Variants in ANGPT1 observed in about 807,000 individuals in gnomAD.
The protein encoded by ANGPT1 is angiopoietin 1, also known as angiopoietin-1.
In ANGPT1, 17 loss-of-function variants were observed where a neutral mutation model predicts 62.2. The ratio of observed to expected loss-of-function variants is 0.27; its 90% confidence interval spans 0.19 to 0.41. The LOEUF (loss-of-function observed/expected upper bound fraction) is 0.41, where lower values mean the gene tolerates loss of function less well. Among genes scored for constraint, ANGPT1 ranks in the 10% least tolerant of loss-of-function variants. ANGPT1 has a pLI of 1.00. For synonymous variants in ANGPT1, 199 were observed against 198.9 expected, an observed-to-expected ratio of 1.00 and a Z score of 0.00; for missense variants, 478 against 594.9, an observed-to-expected ratio of 0.80 and a Z score of 2.04.
At chr8:107,445,244 G>A (rs933784623) in intron 1 of ANGPT1, among the ~76,000 whole-genome samples, 4 of 152,046 alleles carry the variant, frequency 2.6e-5, no homozygotes, top group South Asian at 2.1e-4. Flanking sequence ...TTATTCTGAC[G>A]GATCCTGCTC....
At chr8:107,421,532 A>G (rs1256956210) in intron 1 of ANGPT1, among the ~76,000 whole-genome samples, 2 of 152,198 alleles carry the variant, frequency 1.3e-5, no homozygotes, top group Non-Finnish European at 2.9e-5. Flanking sequence ...CGGTGTCTCT[A>G]TCTATCCTCC....
chr8:107,304,867 T>C (rs1029565672), intron 4 of ANGPT1, among the ~76,000 whole-genome samples: 4 of 151,874 alleles, frequency 2.6e-5, no homozygotes, highest in Admixed American at 6.6e-5. Context: ...ACCATCACAA[T>C]TGCCATGTCA....
chr8:107,354,731 C>T (rs892757134), intron 1 of ANGPT1, among the ~76,000 whole-genome samples: 2 of 152,080 alleles, frequency 1.3e-5, no homozygotes, highest in Non-Finnish European at 2.9e-5. Flanking sequence ...TCGCTTAATC[C>T]CCAGGCACCA....
At chr8:107,395,713 G>A (rs1816921657) in intron 1 of ANGPT1, among the ~76,000 whole-genome samples, 1 of 152,118 alleles carries the variant, frequency 6.6e-6, no homozygotes, top group Non-Finnish European at 1.5e-5. Flanking sequence ...AATTATTTAT[G>A]TATGTGTTTC....
chr8:107,303,556 G>A (rs1814645969), intron 4 of ANGPT1, among the ~76,000 whole-genome samples, 189 bp from the exon 5 acceptor site: 2 of 136,920 alleles, frequency 1.5e-5, no homozygotes, highest in South Asian at 4.6e-4. Context: ...AAAAAAAACT[G>A]AAGGAAAAAG....
At chr8:107,472,741 A>T (rs1349151102) in intron 1 of ANGPT1, among the ~76,000 whole-genome samples, 1 of 151,908 alleles carries the variant, frequency 6.6e-6, no homozygotes, top group South Asian at 2.1e-4. Flanking sequence ...CCTATAATCC[A>T]TCACTTGCTG....
chr8:107,404,766 G>A (rs1301065963), intron 1 of ANGPT1, among the ~76,000 whole-genome samples: 2 of 152,126 alleles, frequency 1.3e-5, no homozygotes, highest in East Asian at 3.9e-4. Flanking sequence ...GGTAGATAAT[G>A]ACACACTGCT....
Position 107,357,678 on chromosome 8 carries a change from T to C in ANGPT1, c.298-10581A>G, listed in dbSNP as rs116482794. Among the ~76,000 whole-genome samples the C allele has an allele frequency of 6.7e-3, 1,026 of 152,298 alleles. 17 individuals are homozygous for C. Among genetic ancestry groups the C allele is most frequent in the African/African-American group, 0.023 (959 of 41,568 alleles). On this transcript the variant is annotated intron_variant, in intron 1 of 8. Coordinates refer to ENST00000517746, the MANE Select transcript of ANGPT1 (RefSeq NM_001146.5). Reference sequence around the variant, plus strand: ...TGATGATCTTTTAAAAGAAATCTTCTGCATTCAATGAAACATTACAGGACA... The same window carrying C: ...TGATGATCTTTTAAAAGAAATCTTCCGCATTCAATGAAACATTACAGGACA...
At chr8:107,415,938 C>T (rs1810728902) in intron 1 of ANGPT1, among the ~76,000 whole-genome samples, 2 of 152,050 alleles carry the variant, frequency 1.3e-5, no homozygotes, top group African/African-American at 4.8e-5. Flanking sequence ...GGTTCGTTGC[C>T]ATATTGTCCA....
At chr8:107,426,487 A>C (rs1811045530) in intron 1 of ANGPT1, among the ~76,000 whole-genome samples, 1 of 152,204 alleles carries the variant, frequency 6.6e-6, no homozygotes, top group Non-Finnish European at 1.5e-5. Flanking sequence ...ACACATGAGA[A>C]AAAAAGATGA....
At chr8:107,281,732 C>T (rs536690780) in intron 7 of ANGPT1, among the ~76,000 whole-genome samples, 5 of 152,162 alleles carry the variant, frequency 3.3e-5, no homozygotes, top group Non-Finnish European at 5.9e-5. Flanking sequence ...GAGCCGAGAT[C>T]GCGCCATTGC....
intron 1 of ANGPT1, among the ~76,000 whole-genome samples, chr8:107,408,631 G>A (rs193015386): frequency 3.9e-5 from 6 of 152,248 alleles, no homozygotes; most frequent in Non-Finnish European, 7.4e-5. Flanking sequence ...TAGTGATAAT[G>A]GATGGCAAAT....
chr8:107,316,075 T>TG (rs1815007036), intron 4 of ANGPT1, among the ~76,000 whole-genome samples: 1 of 152,208 alleles, frequency 6.6e-6, no homozygotes, highest in Non-Finnish European at 1.5e-5. Flanking sequence ...ATGTGATCTA[T>TG]GCTCCCTCAG....
intron 3 of ANGPT1, among the ~76,000 whole-genome samples, chr8:107,327,240 A>T (rs1042026360): frequency 6.6e-6 from 1 of 152,058 alleles, no homozygotes; most frequent in East Asian, 1.9e-4. Context: ...TATACTGCTC[A>T]TATTTCATTT....
In ANGPT1 at chr8:107,251,674, C is replaced by T; in HGVS notation, c.*181G>A. The T allele has an allele frequency of 2.8e-6, 2 of 702,992 alleles. No homozygotes were observed. The highest frequency in any genetic ancestry group is 2.1e-5 in the South Asian group (1 of 48,588). The allele number at this position is 702,992 out of a possible 1,614,324, so 43.5% of individuals were successfully genotyped here. A position where few individuals can be genotyped will look rare whatever the true frequency, so the allele number is the denominator to read the frequency against. Reference sequence around the variant, plus strand: ...TGAGCACTGTCACCCCAAGTAGAGACTCTTGTGAACTCAAACGGCTCCAGA... The same window carrying T: ...TGAGCACTGTCACCCCAAGTAGAGATTCTTGTGAACTCAAACGGCTCCAGA... On this transcript the variant is annotated 3_prime_UTR_variant, in exon 9 of 9. Transcript: ENST00000517746.
At chr8:107,484,130 T>G (rs1812755714) in intron 1 of ANGPT1, among the ~76,000 whole-genome samples, 1 of 152,120 alleles carries the variant, frequency 6.6e-6, no homozygotes, top group Non-Finnish European at 1.5e-5. Context: ...TCCCCACCAT[T>G]CAGAATTTGT....
chr8:107,343,703 C>T (rs1392160538), intron 2 of ANGPT1, among the ~76,000 whole-genome samples: 2 of 152,190 alleles, frequency 1.3e-5, no homozygotes, highest in Non-Finnish European at 2.9e-5. Flanking sequence ...AACTCAAACT[C>T]ATGAAGGTAA....
intron 1 of ANGPT1, among the ~76,000 whole-genome samples, chr8:107,490,491 A>G (rs1340489390): frequency 6.6e-6 from 1 of 152,160 alleles, no homozygotes. Context: ...ACCTCACAGC[A>G]TGTCCAGACA....
At chr8:107,354,452 G>T (rs892704763) in intron 1 of ANGPT1, among the ~76,000 whole-genome samples, 8 of 151,986 alleles carry the variant, frequency 5.3e-5, no homozygotes, top group Non-Finnish European at 8.8e-5. Flanking sequence ...GAAATAAAGG[G>T]CTGGATTCGA....
Sources: allele counts gnomAD v4.1 joint callset (sites outside exome capture counted in the v4.1 genomes callset), GRCh38; gene constraint gnomAD v4.1.1; transcripts MANE v1.5; gene names NCBI Gene and HGNC (gene_info 2026-07-23, HGNC 2026-07-21).